Variants in GJB6 observed in about 807,000 individuals in gnomAD.
The protein encoded by GJB6 is gap junction beta-6 protein.
A neutral mutation model predicts 5.4 loss-of-function variants in GJB6; 5 were observed. That is an observed-to-expected ratio of 0.92 (90% CI 0.48 to 1.93). The LOEUF (loss-of-function observed/expected upper bound fraction) is 1.93. Ranked by LOEUF, GJB6 falls within the 30% of genes most tolerant of loss-of-function variation. The pLI is 0.01. For missense variants in GJB6, 298 were observed against 326.9 expected (o/e 0.91, Z 0.68); for synonymous variants, 136 against 129.6 (o/e 1.05, Z -0.34).
rs769932318 is a variant in GJB6 at position 20,222,687 on chromosome 13, T to G, written c.*8A>C. The G allele has an allele frequency of 3.1e-6, 5 of 1,613,438 alleles. No homozygotes were observed. The highest frequency in any genetic ancestry group is 4.2e-6 in the Non-Finnish European group (5 of 1,179,286). ...CTTATGACGCAGCTACATTTTACCT[T>G]GAAATGTTTAGCTTGGGAAACCTGT... On this transcript the variant is annotated 3_prime_UTR_variant, in exon 5 of 5. Coordinates refer to ENST00000647029, the MANE Select transcript of GJB6 (RefSeq NM_001110219.3).
chr13:20,223,199 A>C lies in GJB6; in HGVS notation c.282T>G (p.His94Gln). ...TGGTTTCGTGCCTGTAGTAGGCCACATGCATGGCCACCAGCAGCGCTGGGG... is the reference window on the plus strand; with the variant it reads ...TGGTTTCGTGCCTGTAGTAGGCCACCTGCATGGCCACCAGCAGCGCTGGGG... ...VSTPALLVAM[H>Q]VAYYRHETTR... is the part of the protein sequence containing the mutation. Residue 94 changes from histidine (H) to glutamine (Q), a missense_variant, in exon 5 of 5, where the codon CAT becomes CAG. By Grantham distance (24) the His-to-Gln change is conservative. Coordinates refer to ENST00000647029, the MANE Select transcript of GJB6 (RefSeq NM_001110219.3). 1 of 1,611,442 alleles carries C rather than the reference A, an allele frequency of 6.2e-7. No individual in the cohort carries two copies. Among genetic ancestry groups the C allele is most frequent in the Non-Finnish European group, 8.5e-7 (1 of 1,177,908 alleles).
chr13:20,224,502 G>A (rs987104554), intron 4 of GJB6, among the ~76,000 whole-genome samples: 9 of 152,116 alleles, frequency 5.9e-5, no homozygotes, highest in East Asian at 1.9e-4. Context: ...CCTCCCCAGC[G>A]GGTCCTGTTT....
chr13:20,230,436 C>T (rs1310932590), intron 3 of GJB6, among the ~76,000 whole-genome samples: 1 of 152,160 alleles, frequency 6.6e-6, no homozygotes, highest in Non-Finnish European at 1.5e-5. Context: ...TATGTTTGTT[C>T]ATTCAAGCAA....
chr13:20,229,315 ATTTTTTTTTTTTTT>A (rs60451416), intron 4 of GJB6, among the ~76,000 whole-genome samples: 2 of 55,296 alleles, frequency 3.6e-5, no homozygotes, highest in Non-Finnish European at 6.9e-5. Flanking sequence ...TACCTGGTTA[ATTTTTTTTTTTTTT>A]TTTTTTTTTT....
At chr13:20,223,959 ACT>A (rs771790160) in intron 4 of GJB6, among the ~76,000 whole-genome samples, 4 of 151,068 alleles carry the variant, frequency 2.6e-5, no homozygotes, top group Non-Finnish European at 4.4e-5. Flanking sequence ...ACAGAGCGAG[ACT>A]CTGTCTCGAA....
At chr13:20,227,290 T>C (rs1593366997) in intron 4 of GJB6, among the ~76,000 whole-genome samples, 1 of 152,172 alleles carries the variant, frequency 6.6e-6, no homozygotes, top group Non-Finnish European at 1.5e-5. Flanking sequence ...CGCTTCTCGA[T>C]ACCGGTACTA....
chr13:20,229,189 C>T (rs1869881711), intron 4 of GJB6, among the ~76,000 whole-genome samples: 1 of 142,816 alleles, frequency 7.0e-6, no homozygotes, highest in Non-Finnish European at 1.5e-5. Context: ...TGCCCTGTTG[C>T]CCAGGGTGGA....
rs374808795 is a variant in GJB6 at position 20,223,334 on chromosome 13, C to T, written c.147G>A (p.Glu49=). ...GTTGCAGTGTGTTGCAGACGAAGTC[C>T]TCTTGCTCGTCACCCCACACTTCCT... ...AAQEVWGDEQ[E]DFVCNTLQPG... Residue 49 remains glutamate, a synonymous_variant, in exon 5 of 5, where the codon GAG becomes GAA. Transcript: ENST00000647029. 25 of 1,614,146 alleles carry T rather than the reference C, an allele frequency of 1.5e-5. No individual in the cohort carries two copies. The highest frequency in any genetic ancestry group is 2.1e-5 in the Non-Finnish European group (25 of 1,180,038).
chr13:20,228,713 T>G (rs1331338761), intron 4 of GJB6, among the ~76,000 whole-genome samples: 2 of 151,240 alleles, frequency 1.3e-5, no homozygotes, highest in South Asian at 4.2e-4. Flanking sequence ...CTCGATCTCC[T>G]GACCTCATGA....
intron 3 of GJB6, 196 bp from the exon 4 acceptor site, chr13:20,229,945 A>G (rs780492297): frequency 1.3e-5 from 2 of 152,022 alleles, no homozygotes; most frequent in Non-Finnish European, 2.9e-5. Flanking sequence ...GGTGCTCTTT[A>G]GTAGGATCCT....
intron 4 of GJB6, among the ~76,000 whole-genome samples, chr13:20,225,881 G>A (rs1403520412): frequency 2.6e-5 from 4 of 152,112 alleles, no homozygotes; most frequent in Admixed American, 2.6e-4. Context: ...TTCAATAACT[G>A]CAGCCTAGCA....
At chr13:20,229,315 A>ATTTTTTTTTTTTTTT (rs60451416) in intron 4 of GJB6, among the ~76,000 whole-genome samples, 1 of 55,272 alleles carries the variant, frequency 1.8e-5, no homozygotes, top group African/African-American at 6.3e-5. Flanking sequence ...TACCTGGTTA[A>ATTTTTTTTTTTTTTT]TTTTTTTTTT....
chr13:20,222,637 G>C lies in GJB6; in HGVS notation c.*58C>G. The C allele has an allele frequency of 6.9e-7, 1 of 1,452,160 alleles. No individual in the cohort carries two copies. Among genetic ancestry groups the C allele is most frequent in the South Asian group, 1.1e-5 (1 of 87,732 alleles). 90.0% of individuals were successfully genotyped at this position (1,452,160 alleles called of 1,614,324 possible). On this transcript the variant is annotated 3_prime_UTR_variant, in exon 5 of 5. Transcript: ENST00000647029. The stretch of plus-strand genomic sequence containing the variant: ...CAGAAGGAACTTTCAGGTTGGTATT[G>C]CCTTCTGGAGAAGACAGAAGTCTCC...
chr13:20,223,181 G>A lies in GJB6; in HGVS notation c.300C>T (p.His100=), dbSNP rs757592980. 17 of 1,612,924 alleles carry A rather than the reference G, an allele frequency of 1.1e-5. No homozygotes were observed. The highest frequency in any genetic ancestry group is 1.6e-4 in the Middle Eastern group (1 of 6,080). ...CTCGCCTGAACTTGCGAGTGGTTTC[G>A]TGCCTGTAGTAGGCCACATGCATGG... ...LVAMHVAYYR[H]ETTRKFRRGE... Residue 100 remains histidine (H), a synonymous_variant, in exon 5 of 5, where the codon CAC becomes CAT. Coordinates refer to ENST00000647029, the MANE Select transcript of GJB6 (RefSeq NM_001110219.3).
rs1170231959 is a variant in GJB6 at position 20,229,697 on chromosome 13, G to A, written c.-133C>T. 1 of 151,886 alleles carries A rather than the reference G, an allele frequency of 6.6e-6. No homozygotes were observed. Among genetic ancestry groups the A allele is most frequent in the African/African-American group, 2.4e-5 (1 of 41,354 alleles). 9.4% of individuals were successfully genotyped at this position (151,886 alleles called of 1,614,324 possible). A position where few individuals can be genotyped will look rare whatever the true frequency, so the allele number is the denominator to read the frequency against. On this transcript the variant is annotated 5_prime_UTR_variant, in exon 4 of 5. Coordinates refer to ENST00000647029, the MANE Select transcript of GJB6 (RefSeq NM_001110219.3). ...CCACTGGAGTGCCTAGAAGCCAATG[G>A]TGCACAGTGATGATACGAATGTCAA...
Position 20,222,733 on chromosome 13 carries a change from C to G in GJB6, c.748G>C (p.Asp250His), listed in dbSNP as rs778351708. ...CCTGTGATTGCATTTTGACCACTAT[C>G]TGAAATCAGCTCATTCATTTCATTC... ...KQNEMNELIS[D>H]SGQNAITGFP... Residue 250 changes from aspartate (D) to histidine (H), a missense_variant, in exon 5 of 5, where the codon GAT becomes CAT. Asp to His is a moderately conservative substitution (Grantham distance 81). Coordinates refer to ENST00000647029, the MANE Select transcript of GJB6 (RefSeq NM_001110219.3). 2 of 1,614,140 alleles carry G rather than the reference C, an allele frequency of 1.2e-6. No individual in the cohort carries two copies. The highest frequency in any genetic ancestry group is 8.5e-7 in the Non-Finnish European group (1 of 1,179,982).
chr13:20,226,086 G>A (rs185001798), intron 4 of GJB6, among the ~76,000 whole-genome samples: 21 of 152,250 alleles, frequency 1.4e-4, no homozygotes, highest in African/African-American at 5.1e-4. Flanking sequence ...GCCCTCGGGG[G>A]CGCATCAACA....
chr13:20,230,620 G>A (rs1870016736), intron 3 of GJB6, 78 bp downstream of exon 3: 1 of 152,176 alleles, frequency 6.6e-6, no homozygotes, highest in Non-Finnish European at 1.5e-5. Flanking sequence ...AGACCAAGAA[G>A]CTTGGGTCAG....
chr13:20,223,484 G>A lies in GJB6; in HGVS notation c.-4C>T, dbSNP rs763934528. Reference sequence around the variant, plus strand: ...TGTGCAGCGTCCCCCAATCCATTGCGCTGGTTTATCCCTAAACAGACAAAA... The same window carrying A: ...TGTGCAGCGTCCCCCAATCCATTGCACTGGTTTATCCCTAAACAGACAAAA... On this transcript the variant is annotated 5_prime_UTR_variant, in exon 5 of 5. Transcript: ENST00000647029. 7.4e-6 allele frequency: 12 copies of A among 1,613,458 alleles called. No individual in the cohort carries two copies. Among genetic ancestry groups the A allele is most frequent in the Admixed American group, 3.3e-5 (2 of 59,998 alleles).
Sources: allele counts gnomAD v4.1 joint callset (sites outside exome capture counted in the v4.1 genomes callset), GRCh38; gene constraint gnomAD v4.1.1; transcripts MANE v1.5; gene names NCBI Gene and HGNC (gene_info 2026-07-23, HGNC 2026-07-21).